The following PLCB4 variants were observed in gnomAD, a reference collection of about 807,000 sequenced individuals.
The protein encoded by PLCB4 is phospholipase C beta 4, also known as 1-phosphatidylinositol 4,5-bisphosphate phosphodiesterase beta-4.
PLCB4 carries 77 observed loss-of-function variants against 178.8 expected under a neutral mutation model. That is an observed-to-expected ratio of 0.43 (90% CI 0.36 to 0.52). The LOEUF is 0.52. Ranked by LOEUF, PLCB4 falls within the 20% of genes least tolerant of loss-of-function variation. PLCB4 has a pLI of 0.00. For synonymous variants in PLCB4, 496 were observed against 490.8 expected, an observed-to-expected ratio of 1.01 and a Z score of -0.14; for missense variants, 1,024 against 1,453.4, an observed-to-expected ratio of 0.70 and a Z score of 4.80.
At chr20:9,405,430 G>GA in intron 21 of PLCB4, 82 bp downstream of exon 21, 1 of 800,698 alleles carries the variant, frequency 1.2e-6, no homozygotes. Flanking sequence ...CAGTTGTGGT[G>GA]AAAAAATGAT....
intron 3 of PLCB4, among the ~76,000 whole-genome samples, chr20:9,293,401 AAAGGGAAGGG>A (rs138357492): frequency 6.9e-6 from 1 of 144,902 alleles, no homozygotes; most frequent in East Asian, 2.1e-4. Context: ...GAAGGAAAGG[AAAGGGAAGGG>A]AAGGGAAGGG....
chr20:9,227,008 G>A (rs1248720141), intron 3 of PLCB4, among the ~76,000 whole-genome samples: 1 of 151,568 alleles, frequency 6.6e-6, no homozygotes, highest in African/African-American at 2.4e-5. Context: ...AGCTTTCTTA[G>A]TAGGTATGAA....
chr20:9,421,279 T>C lies in PLCB4; in HGVS notation c.2155-18T>C, dbSNP rs781396206. 5 of 1,592,930 alleles carry C rather than the reference T, an allele frequency of 3.1e-6. No homozygotes were observed. Among genetic ancestry groups the C allele is most frequent in the Non-Finnish European group, 3.4e-6 (4 of 1,164,716 alleles). ...ACACAGAGCTTACTTCTCTTTGCTCTCGTTCGTGCTGCTACAGGTTATATC... is the reference window on the plus strand; with the variant it reads ...ACACAGAGCTTACTTCTCTTTGCTCCCGTTCGTGCTGCTACAGGTTATATC... On this transcript the variant is annotated intron_variant, in intron 26 of 39. Coordinates refer to ENST00000378473, the MANE Select transcript of PLCB4 (RefSeq NM_001377142.1).
rs200462359 is a variant in PLCB4, at chr20:9,337,097, A to G, written c.85-29A>G. 126 of 1,441,572 alleles carry G rather than the reference A, an allele frequency of 8.7e-5. 2 individuals carry two copies. The East Asian group carries it at 2.8e-3, about 32-fold the overall frequency. 89.3% of individuals were successfully genotyped at this position (1,441,572 alleles called of 1,614,324 possible). A position where few individuals can be genotyped will look rare whatever the true frequency, so the allele number is the denominator to read the frequency against. ...TATTAGATTCAAAATGGTGTGAGTC[A>G]TGAAGATCAACACATTTCTTTTTGA... is the stretch of plus-strand genomic sequence containing the variant. On this transcript the variant is annotated intron_variant, in intron 4 of 39. Transcript: ENST00000378473.
intron 2 of PLCB4, among the ~76,000 whole-genome samples, chr20:9,110,409 A>G (rs746769425): frequency 4.6e-5 from 7 of 152,106 alleles, no homozygotes; most frequent in Non-Finnish European, 8.8e-5. Flanking sequence ...TTTCTCCTCT[A>G]TTTACACTGT....
At chr20:9,472,397 C>T (rs1402340861) in intron 36 of PLCB4, among the ~76,000 whole-genome samples, 40 of 152,170 alleles carry the variant, frequency 2.6e-4, no homozygotes, top group Admixed American at 2.6e-3. Flanking sequence ...ATGGGCACAT[C>T]TGTATGTGGT....
intron 24 of PLCB4, 100 bp from the exon 25 acceptor site, chr20:9,410,937 G>T: frequency 1.3e-6 from 1 of 775,576 alleles, no homozygotes; most frequent in Non-Finnish European, 2.3e-6. Flanking sequence ...AGGGACCTGT[G>T]GGCCTAGGAG....
intron 32 of PLCB4, among the ~76,000 whole-genome samples, chr20:9,450,239 G>T (rs186316631): frequency 7.6e-4 from 116 of 152,254 alleles, no homozygotes; most frequent in Middle Eastern, 3.4e-3. Context: ...AGGACCAAAA[G>T]AATAAAACCA....
intron 2 of PLCB4, among the ~76,000 whole-genome samples, chr20:9,108,682 A>G (rs2091459790): frequency 6.6e-6 from 1 of 152,030 alleles, no homozygotes; most frequent in Non-Finnish European, 1.5e-5. Flanking sequence ...TACCATTAAA[A>G]TTGGATATAG....
intron 1 of PLCB4, among the ~76,000 whole-genome samples, chr20:9,076,837 T>A: frequency 6.6e-6 from 1 of 152,216 alleles, no homozygotes; most frequent in East Asian, 1.9e-4. Flanking sequence ...TTAATTTTTT[T>A]TCATTGGTTT....
At chr20:9,298,085 T>C (rs1244197700) in intron 3 of PLCB4, among the ~76,000 whole-genome samples, 2 of 152,076 alleles carry the variant, frequency 1.3e-5, no homozygotes, top group Admixed American at 1.3e-4. Context: ...CTGACCTTCT[T>C]TCCTGAGACA....
At chr20:9,289,559 A>G (rs988972193) in intron 3 of PLCB4, among the ~76,000 whole-genome samples, 6 of 152,102 alleles carry the variant, frequency 3.9e-5, no homozygotes, top group African/African-American at 1.4e-4. Flanking sequence ...TAATGTGGAC[A>G]TCTCCTTTAT....
chr20:9,100,893 A>C (rs918167721), intron 2 of PLCB4, among the ~76,000 whole-genome samples: 4 of 152,154 alleles, frequency 2.6e-5, no homozygotes, highest in African/African-American at 7.2e-5. Context: ...TCATCTCGAC[A>C]GTGCCACAGC....
At chr20:9,257,446 A>C (rs73897323) in intron 3 of PLCB4, among the ~76,000 whole-genome samples, 19 of 152,360 alleles carry the variant, frequency 1.2e-4, no homozygotes, top group African/African-American at 4.3e-4. Flanking sequence ...ATGTAGAACT[A>C]TAACCCTTTA....
intron 2 of PLCB4, among the ~76,000 whole-genome samples, chr20:9,130,610 C>T (rs2092248277): frequency 1.3e-5 from 2 of 152,168 alleles, no homozygotes; most frequent in African/African-American, 4.8e-5. Flanking sequence ...ACTGTTTTCC[C>T]ATGAAACCCA....
rs558142549 is a variant in PLCB4 at position 9,463,070 on chromosome 20, C to T, written c.3248+3260C>T. On this transcript the variant is annotated intron_variant, in intron 35 of 39. Coordinates refer to ENST00000378473, the MANE Select transcript of PLCB4 (RefSeq NM_001377142.1). Reference sequence around the variant, plus strand: ...TCTATCAGACTAACAGCGGACCTCTCGGCAGAAACCCTACAAGCCAGAAGA... The same window carrying T: ...TCTATCAGACTAACAGCGGACCTCTTGGCAGAAACCCTACAAGCCAGAAGA... 3.7e-4 allele frequency among the ~76,000 whole-genome samples: 56 copies of T among 152,260 alleles called. 1 individual carries two copies. In the South Asian group the frequency reaches 4.8e-3, roughly 13 times the overall value.
intron 7 of PLCB4, among the ~76,000 whole-genome samples, chr20:9,344,860 G>A (rs1358757670): frequency 1.3e-5 from 2 of 152,140 alleles, no homozygotes; most frequent in African/African-American, 4.8e-5. Context: ...TACAGTTAGA[G>A]AATTTAGCTT....
chr20:9,263,849 T>C (rs1414724942), intron 3 of PLCB4, among the ~76,000 whole-genome samples: 1 of 152,048 alleles, frequency 6.6e-6, no homozygotes, highest in Admixed American at 6.5e-5. Context: ...ATCAGTGGGA[T>C]GAAAAAAGGA....
chr20:9,174,393 C>T (rs2093118361), intron 2 of PLCB4, among the ~76,000 whole-genome samples: 1 of 151,718 alleles, frequency 6.6e-6, no homozygotes, highest in African/African-American at 2.4e-5. Flanking sequence ...AAATCCTCTA[C>T]CTCTACCTCC....
Sources: allele counts gnomAD v4.1 joint callset (sites outside exome capture counted in the v4.1 genomes callset), GRCh38; gene constraint gnomAD v4.1.1; transcripts MANE v1.5; gene names NCBI Gene and HGNC (gene_info 2026-07-23, HGNC 2026-07-21).